Variants in ANKH observed in about 807,000 individuals in gnomAD.
ANKH encodes the protein mineralization regulator ANKH.
ANKH carries 15 observed loss-of-function variants against 49.0 expected under a neutral mutation model. That is an observed-to-expected ratio of 0.31 (90% CI 0.20 to 0.47). ANKH has a LOEUF of 0.47. Ranked by LOEUF, ANKH falls within the 20% of genes least tolerant of loss-of-function variation. The pLI, the probability that ANKH is intolerant of heterozygous loss-of-function variation, is 1.00. For synonymous variants in ANKH, 273 were observed against 260.0 expected, an observed-to-expected ratio of 1.05 and a Z score of -0.48; for missense variants, 429 against 652.0, an observed-to-expected ratio of 0.66 and a Z score of 3.72.
intron 1 of ANKH, among the ~76,000 whole-genome samples, chr5:14,856,663 T>A (rs1735262939): frequency 6.6e-6 from 1 of 151,780 alleles, no homozygotes; most frequent in Admixed American, 6.6e-5. Flanking sequence ...CAAAACCAGG[T>A]GAAATGGATA....
intron 1 of ANKH, among the ~76,000 whole-genome samples, chr5:14,804,719 T>C (rs965619393): frequency 1.3e-5 from 2 of 152,246 alleles, no homozygotes; most frequent in Non-Finnish European, 2.9e-5. Flanking sequence ...AGGAAATGGA[T>C]ACTTTCTATG....
intron 8 of ANKH, among the ~76,000 whole-genome samples, chr5:14,732,153 T>G (rs1044624924): frequency 4.6e-5 from 7 of 152,232 alleles, no homozygotes; most frequent in African/African-American, 1.4e-4. Context: ...AGATGTCTAG[T>G]CAGAGGACTC....
At chr5:14,776,826 C>T (rs997711157) in intron 1 of ANKH, among the ~76,000 whole-genome samples, 1 of 152,192 alleles carries the variant, frequency 6.6e-6, no homozygotes, top group Non-Finnish European at 1.5e-5. Flanking sequence ...AAAGTAAAGA[C>T]ACTTTAGATT....
At chr5:14,817,576 G>C (rs1464019187) in intron 1 of ANKH, among the ~76,000 whole-genome samples, 2 of 152,138 alleles carry the variant, frequency 1.3e-5, no homozygotes, top group Non-Finnish European at 2.9e-5. Flanking sequence ...TACAGAACTA[G>C]TCAAGAAGAC....
At position 14,711,226 on chromosome 5, in the gene ANKH, T is replaced by A; in HGVS notation, c.1450A>T (p.Ile484Phe). The stretch of plus-strand genomic sequence containing the variant: ...TCATTCTCCTCTCTCATTTCCACGA[T>A]GTCTGTCACCTCCTCTGTCGGAGGC... Reference protein sequence around the residue: ...DMPPTEEVTDIVEMREENE With the variant: ...DMPPTEEVTDFVEMREENE The change falls in exon 12 of 12, where the codon ATC becomes TTC. Residue 484 changes from isoleucine (I) to phenylalanine (F), a missense_variant. Around this residue, in one of 2 missense-constraint regions of ANKH, gnomAD observed 51 missense variants for 36.7 expected, o/e 1.39. Coordinates refer to ENST00000284268, the MANE Select transcript of ANKH (RefSeq NM_054027.6). 6.2e-7 allele frequency: 1 copy of A among 1,614,148 alleles called. No homozygotes were observed. The highest frequency in any genetic ancestry group is 1.1e-5 in the South Asian group (1 of 91,084).
chr5:14,717,669 A>G, intron 8 of ANKH, among the ~76,000 whole-genome samples: 1 of 152,298 alleles, frequency 6.6e-6, no homozygotes, highest in East Asian at 1.9e-4. Flanking sequence ...GGATGAGGTA[A>G]AACAGAGGGG....
chr5:14,718,408 A>G (rs988097729), intron 8 of ANKH, among the ~76,000 whole-genome samples: 1 of 152,146 alleles, frequency 6.6e-6, no homozygotes, highest in African/African-American at 2.4e-5. Flanking sequence ...AAACAAAGAT[A>G]ATACAGAAAG....
chr5:14,768,951 G>A (rs534889998), intron 2 of ANKH, 24 bp downstream of exon 2: 20 of 1,609,804 alleles, frequency 1.2e-5, no homozygotes, highest in Non-Finnish European at 1.4e-5. Context: ...AGCTAGATTC[G>A]TCAGTGGCGG....
At position 14,710,993 on chromosome 5, in the gene ANKH, G is replaced by A. The variant is rs1233191225; in HGVS notation, c.*204C>T. ...TTTCGTTTGTTTTTACATAGCAACA[G>A]TAAAGACCATTCACTAGGTCCCCCC... On this transcript the variant is annotated 3_prime_UTR_variant, in exon 12 of 12. Coordinates refer to ENST00000284268, the MANE Select transcript of ANKH (RefSeq NM_054027.6). 1.3e-5 allele frequency: 8 copies of A among 600,670 alleles called. No homozygotes were observed. The highest frequency in any genetic ancestry group is 2.5e-5 in the Admixed American group (1 of 39,878). 37.2% of individuals were successfully genotyped at this position (600,670 alleles called of 1,614,324 possible). A position where few individuals can be genotyped will look rare whatever the true frequency, so the allele number is the denominator to read the frequency against.
At chr5:14,805,450 TATATATATGTAC>T in intron 1 of ANKH, among the ~76,000 whole-genome samples, 1 of 80,002 alleles carries the variant, frequency 1.2e-5, no homozygotes, top group Non-Finnish European at 2.3e-5. Flanking sequence ...TGTGTGTGTA[TATATATATGTAC>T]ACACACATAT....
rs1245713405 is a variant in ANKH at position 14,706,909 on chromosome 5, A to C, written c.*4288T>G. On this transcript the variant is annotated 3_prime_UTR_variant, in exon 12 of 12. Transcript: ENST00000284268. ...TGTGAGGGCGATGTCTACAGAATGC[A>C]GGCAGGAGCTGCTGGCTTTGAACCG... 6.6e-6 allele frequency: 1 copy of C among 152,250 alleles called. No homozygotes were observed. Among genetic ancestry groups the C allele is most frequent in the African/African-American group, 2.4e-5 (1 of 41,460 alleles). The allele number at this position is 152,250 out of a possible 1,614,324, so 9.4% of individuals were successfully genotyped here.
chr5:14,734,026 T>G (rs1188642831), intron 8 of ANKH, among the ~76,000 whole-genome samples: 1 of 152,188 alleles, frequency 6.6e-6, no homozygotes, highest in Non-Finnish European at 1.5e-5. Flanking sequence ...CCCTACTGAG[T>G]GACTTCACCA....
At chr5:14,860,284 G>C (rs924842987) in intron 1 of ANKH, among the ~76,000 whole-genome samples, 6 of 152,214 alleles carry the variant, frequency 3.9e-5, no homozygotes, top group Admixed American at 3.9e-4. Flanking sequence ...TGACTCCCTT[G>C]TCAGGCTGGC....
At chr5:14,746,451 C>G (rs942739091) in intron 6 of ANKH, among the ~76,000 whole-genome samples, 13 of 152,138 alleles carry the variant, frequency 8.5e-5, no homozygotes, top group African/African-American at 2.7e-4. Flanking sequence ...GGGGCCACAA[C>G]AAGATCAGGT....
Position 14,708,425 on chromosome 5 carries a change from C to T in ANKH, c.*2772G>A, listed in dbSNP as rs1737024036. 1 of 152,210 alleles carries T rather than the reference C, an allele frequency of 6.6e-6. No individual in the cohort carries two copies. Among genetic ancestry groups the T allele is most frequent in the African/African-American group, 2.4e-5 (1 of 41,444 alleles). 9.4% of individuals were successfully genotyped at this position (152,210 alleles called of 1,614,324 possible). On this transcript the variant is annotated 3_prime_UTR_variant, in exon 12 of 12. Transcript: ENST00000284268. Reference sequence around the variant, plus strand: ...TGGTAACTTTCTAAAATGCAGCTGTCAGCTGAATGCCCTACAATGAAAAAT... The same window carrying T: ...TGGTAACTTTCTAAAATGCAGCTGTTAGCTGAATGCCCTACAATGAAAAAT...
intron 8 of ANKH, among the ~76,000 whole-genome samples, chr5:14,727,182 C>G (rs1029654852): frequency 6.6e-6 from 1 of 152,142 alleles, no homozygotes; most frequent in African/African-American, 2.4e-5. Context: ...AGCTAAGGAG[C>G]TTGGAAAAGC....
At chr5:14,752,812 T>C (rs754724200) in intron 4 of ANKH, among the ~76,000 whole-genome samples, 5 of 152,074 alleles carry the variant, frequency 3.3e-5, no homozygotes, top group African/African-American at 4.8e-5. Flanking sequence ...AAGAATCATC[T>C]GGGTGGACTG....
At chr5:14,815,303 G>C (rs1741001257) in intron 1 of ANKH, among the ~76,000 whole-genome samples, 1 of 152,186 alleles carries the variant, frequency 6.6e-6, no homozygotes, top group South Asian at 2.1e-4. Context: ...GTGTGGCAAT[G>C]AGAGAGATTT....
At chr5:14,853,785 T>C (rs1349900139) in intron 1 of ANKH, among the ~76,000 whole-genome samples, 1 of 152,116 alleles carries the variant, frequency 6.6e-6, no homozygotes, top group Non-Finnish European at 1.5e-5. Context: ...GTAAACTATA[T>C]ACTAAAAACA....
Sources: allele counts gnomAD v4.1 joint callset (sites outside exome capture counted in the v4.1 genomes callset), GRCh38; gene constraint gnomAD v4.1.1; regional missense constraint gnomAD v4.1.1; transcripts MANE v1.5; gene names NCBI Gene and HGNC (gene_info 2026-07-23, HGNC 2026-07-21).